GPC5: variants seen among roughly 807,000 people sequenced by gnomAD.
The protein encoded by GPC5 is glypican-5.
Under a neutral mutation model 53.9 loss-of-function variants are expected in GPC5, and 47 were observed. The observed-to-expected ratio is 0.87, with a 90% CI of 0.69 to 1.11. The LOEUF is 1.11. Ranked by LOEUF, GPC5 falls within the 50% of genes most tolerant of loss-of-function variation. GPC5 has a pLI of 0.00. For synonymous variants in GPC5, 286 were observed against 263.3 expected, an observed-to-expected ratio of 1.09 and a Z score of -0.84; for missense variants, 748 against 713.1, an observed-to-expected ratio of 1.05 and a Z score of -0.56.
chr13:91,790,263 G>A (rs1325591200), intron 5 of GPC5, among the ~76,000 whole-genome samples: 2 of 152,012 alleles, frequency 1.3e-5, no homozygotes, highest in Non-Finnish European at 2.9e-5. Flanking sequence ...TATACCTGTT[G>A]ACTATTTCTA....
chr13:91,609,984 A>G (rs1182585486), intron 2 of GPC5, among the ~76,000 whole-genome samples: 4 of 152,192 alleles, frequency 2.6e-5, no homozygotes, highest in Admixed American at 2.6e-4. Context: ...CGTTATATGG[A>G]ATCAATTCAT....
intron 7 of GPC5, among the ~76,000 whole-genome samples, chr13:92,430,961 C>G (rs773355083): frequency 6.6e-6 from 1 of 152,076 alleles, no homozygotes; most frequent in Non-Finnish European, 1.5e-5. Flanking sequence ...GCATCAGACA[C>G]AATACAATAA....
In GPC5 at chr13:91,882,492, T is replaced by C. The variant is rs73614177; in HGVS notation, c.1281-25445T>C. Among the ~76,000 whole-genome samples the C allele has an allele frequency of 6.7e-3, 1,012 of 152,074 alleles. 11 individuals are homozygous for C. Among genetic ancestry groups the C allele is most frequent in the African/African-American group, 0.023 (938 of 41,552 alleles). ...ATTATTTTTCCTTTGAATTCTACTT[T>C]ATGTGAAATCAATGATGTTATAAAT... On this transcript the variant is annotated intron_variant, in intron 5 of 7. Transcript: ENST00000377067.
intron 7 of GPC5, among the ~76,000 whole-genome samples, chr13:92,585,853 G>C (rs1458639666): frequency 6.6e-6 from 1 of 152,080 alleles, no homozygotes; most frequent in Non-Finnish European, 1.5e-5. Flanking sequence ...CTCTCTCTTT[G>C]CCTGCTGCCA....
intron 7 of GPC5, among the ~76,000 whole-genome samples, chr13:92,388,015 T>C (rs72638689): frequency 1.1e-4 from 16 of 152,232 alleles, no homozygotes; most frequent in Non-Finnish European, 2.2e-4. Context: ...TACTTATTGA[T>C]GATTGTAGTA....
intron 7 of GPC5, among the ~76,000 whole-genome samples, chr13:92,827,760 C>T (rs1044530197): frequency 6.6e-6 from 1 of 152,090 alleles, no homozygotes; most frequent in Non-Finnish European, 1.5e-5. Flanking sequence ...GTCAACAGAG[C>T]CTCTGTAGCA....
chr13:92,323,339 AT>A (rs1481455485), intron 7 of GPC5, among the ~76,000 whole-genome samples: 1 of 147,966 alleles, frequency 6.8e-6, no homozygotes, highest in Non-Finnish European at 1.5e-5. Flanking sequence ...ATATATAAAA[AT>A]ATATACATAT....
intron 7 of GPC5, among the ~76,000 whole-genome samples, chr13:92,864,859 TTA>T (rs760708862): frequency 1.3e-5 from 2 of 151,004 alleles, no homozygotes; most frequent in Non-Finnish European, 1.5e-5. Flanking sequence ...ATCTTCTGAA[TTA>T]TATATATATA....
chr13:91,727,937 A>AT (rs941282695), intron 3 of GPC5, among the ~76,000 whole-genome samples: 1 of 152,130 alleles, frequency 6.6e-6, no homozygotes, highest in Non-Finnish European at 1.5e-5. Flanking sequence ...GAAACAATAC[A>AT]TTTTTCAATG....
chr13:92,352,331 C>T (rs1342729793), intron 7 of GPC5, among the ~76,000 whole-genome samples: 3 of 151,988 alleles, frequency 2.0e-5, no homozygotes, highest in East Asian at 1.9e-4. Context: ...TCAAGTAATA[C>T]GTGTTATTCA....
At chr13:91,604,070 T>C (rs990151274) in intron 2 of GPC5, among the ~76,000 whole-genome samples, 1 of 149,490 alleles carries the variant, frequency 6.7e-6, no homozygotes, top group Non-Finnish European at 1.5e-5. Context: ...TCATCTAGCA[T>C]TAGGTATATC....
Position 92,632,685 on chromosome 13 carries a change from T to C in GPC5, c.1562-233597T>C, listed in dbSNP as rs144256268. The stretch of plus-strand genomic sequence containing the variant: ...TTTTGTTTTTCAAATATATCTGTGA[T>C]TAAGCCATTTCCTCACGGCTGATAA... On this transcript the variant is annotated intron_variant, in intron 7 of 7. Transcript: ENST00000377067. Among the ~76,000 whole-genome samples the C allele has an allele frequency of 2.7e-3, 415 of 152,186 alleles. 2 individuals are homozygous for C. The highest frequency in any genetic ancestry group is 9.8e-3 in the African/African-American group (406 of 41,512).
At chr13:92,552,927 C>G (rs924877061) in intron 7 of GPC5, among the ~76,000 whole-genome samples, 1 of 151,820 alleles carries the variant, frequency 6.6e-6, no homozygotes, top group African/African-American at 2.4e-5. Context: ...TTCTTTTCTT[C>G]TCACTTTATT....
At chr13:91,783,380 T>G (rs1004457003) in intron 5 of GPC5, among the ~76,000 whole-genome samples, 5 of 152,210 alleles carry the variant, frequency 3.3e-5, no homozygotes, top group African/African-American at 1.2e-4. Context: ...ACACATGTAT[T>G]TAGAAACTGA....
chr13:92,552,365 A>G (rs886631030), intron 7 of GPC5, among the ~76,000 whole-genome samples: 1 of 151,940 alleles, frequency 6.6e-6, no homozygotes, highest in Non-Finnish European at 1.5e-5. Flanking sequence ...AACAGATAAG[A>G]TATTTGTGGT....
intron 2 of GPC5, among the ~76,000 whole-genome samples, chr13:91,660,448 C>A (rs2034960741): frequency 1.3e-5 from 2 of 152,184 alleles, no homozygotes; most frequent in Admixed American, 1.3e-4. Flanking sequence ...CAGATCCTCA[C>A]CCAGTGAAGC....
At chr13:92,048,836 T>C (rs1286664379) in intron 6 of GPC5, among the ~76,000 whole-genome samples, 1 of 152,226 alleles carries the variant, frequency 6.6e-6, no homozygotes, top group Non-Finnish European at 1.5e-5. Context: ...GTTTATAATG[T>C]TGACCAAAAA....
At chr13:92,308,324 C>T (rs1239418305) in intron 7 of GPC5, among the ~76,000 whole-genome samples, 3 of 152,102 alleles carry the variant, frequency 2.0e-5, no homozygotes, top group African/African-American at 7.2e-5. Context: ...AAATACTACT[C>T]TTATTATAAT....
intron 6 of GPC5, among the ~76,000 whole-genome samples, chr13:92,119,419 G>C (rs1240243316): frequency 1.2e-5 from 1 of 84,224 alleles, no homozygotes; most frequent in Non-Finnish European, 2.1e-5. Flanking sequence ...TTTTTTTGGA[G>C]ACAGAGTCTT....
Sources: gnomAD v4.1 joint callset for allele counts (sites outside exome capture counted in the v4.1 genomes callset) on GRCh38, gnomAD v4.1.1 for gene constraint, MANE v1.5 for transcripts, NCBI Gene and HGNC (gene_info 2026-07-23, HGNC 2026-07-21) for gene names.